LAMA3: variants seen among roughly 807,000 people sequenced by gnomAD.
LAMA3 encodes the protein laminin subunit alpha-3.
A neutral mutation model predicts 402.0 loss-of-function variants in LAMA3; 281 were observed. The observed-to-expected ratio is 0.70, with a 90% CI of 0.63 to 0.77. LAMA3 has a LOEUF of 0.77. LAMA3 is among the 30% of genes least tolerant of loss of function. The probability of loss-of-function intolerance (pLI) is 0.00; values close to 1 mark genes in which losing one functional copy is unlikely to be tolerated. For synonymous variants in LAMA3, 1,431 were observed against 1,558.4 expected (o/e 0.92, Z 1.93); for missense variants, 3,840 against 4,215.5 (o/e 0.91, Z 2.47).
Position 23,689,582 on chromosome 18 carries a change from C to A in LAMA3, c.-102C>A. On this transcript the variant is annotated 5_prime_UTR_variant, in exon 1 of 75. Transcript: ENST00000313654. ...CCGGCGCCGCCCATATCCCCGGCTG[C>A]GCTAGTCCTGGCGCTGCAGGTCCGG... is the stretch of plus-strand genomic sequence containing the variant. 8.9e-7 allele frequency: 1 copy of A among 1,124,848 alleles called. No individual in the cohort carries two copies. Among genetic ancestry groups the A allele is most frequent in the Non-Finnish European group, 1.1e-6 (1 of 893,974 alleles). The allele number at this position is 1,124,848 out of a possible 1,614,324, so 69.7% of individuals were successfully genotyped here.
At position 23,800,909 on chromosome 18, in the gene LAMA3, T is replaced by C. The variant is rs77805822; in HGVS notation, c.1604-9457T>C. Among the ~76,000 whole-genome samples, 2,120 of 152,312 alleles carry C rather than the reference T, an allele frequency of 0.014. 71 individuals are homozygous for C. The East Asian group carries it at 0.15, about 11-fold the overall frequency. ...TATTCCCCTGTGTATATATACCTCGTTTTCTTTATCCATTCATCTGTTGAT... is the reference window on the plus strand; with the variant it reads ...TATTCCCCTGTGTATATATACCTCGCTTTCTTTATCCATTCATCTGTTGAT... On this transcript the variant is annotated intron_variant, in intron 12 of 74. Transcript: ENST00000313654.
At chr18:23,930,778 T>G (rs1235091649) in intron 64 of LAMA3, among the ~76,000 whole-genome samples, 2 of 152,140 alleles carry the variant, frequency 1.3e-5, no homozygotes, top group Non-Finnish European at 2.9e-5. Flanking sequence ...TTTAACTGTT[T>G]TGTATAGTCG....
chr18:23,713,343 C>T (rs762303510), intron 1 of LAMA3, among the ~76,000 whole-genome samples: 3 of 152,196 alleles, frequency 2.0e-5, no homozygotes, highest in Non-Finnish European at 4.4e-5. Context: ...TGCCACTTAC[C>T]AAAGTCCTAT....
At chr18:23,773,201 T>C (rs1236469484) in intron 8 of LAMA3, among the ~76,000 whole-genome samples, 2 of 152,228 alleles carry the variant, frequency 1.3e-5, no homozygotes, top group African/African-American at 4.8e-5. Context: ...CTCACTCACA[T>C]GTCAGGTGCT....
At position 23,954,706 on chromosome 18, in the gene LAMA3, AC is replaced by A; in HGVS notation, c.*60del. 2 of 1,533,948 alleles carry A rather than the reference AC, an allele frequency of 1.3e-6. No individual in the cohort carries two copies. Among genetic ancestry groups the A allele is most frequent in the South Asian group, 2.2e-5 (2 of 89,504 alleles). On this transcript the variant is annotated 3_prime_UTR_variant, in exon 75 of 75. Coordinates refer to ENST00000313654, the MANE Select transcript of LAMA3 (RefSeq NM_198129.4). ...TTCAAAAGCACTGATTACCCAATGC[AC>A]CTCCCTCCCCAGCTCGAGATCATTC...
At chr18:23,696,224 C>G (rs1387574495) in intron 1 of LAMA3, among the ~76,000 whole-genome samples, 1 of 152,132 alleles carries the variant, frequency 6.6e-6, no homozygotes, top group Admixed American at 6.5e-5. Context: ...TTACATGTTT[C>G]CAGGCTGCTT....
intron 11 of LAMA3, 96 bp downstream of exon 11, chr18:23,777,715 C>T: frequency 1.1e-6 from 1 of 949,440 alleles, no homozygotes; most frequent in South Asian, 1.3e-5. Context: ...AAGGCCAAGT[C>T]TCCCTTCCTA....
chr18:23,813,112 A>G lies in LAMA3; in HGVS notation c.1788+9A>G. ...CCATCAACTCCAATTTGGTAAGTAG[A>G]CTATAAAAGGGTTGCAATTCTAACT... On this transcript the variant is annotated intron_variant, in intron 14 of 74. Transcript: ENST00000313654. The G allele has an allele frequency of 6.3e-7, 1 of 1,587,042 alleles. No homozygotes were observed. Among genetic ancestry groups the G allele is most frequent in the Non-Finnish European group, 8.7e-7 (1 of 1,155,346 alleles).
intron 33 of LAMA3, 140 bp from the exon 34 acceptor site, chr18:23,858,549 A>G: frequency 2.5e-6 from 2 of 795,642 alleles, no homozygotes; most frequent in South Asian, 1.4e-5. Context: ...TGAAAGCTTA[A>G]TAATTAACAT....
chr18:23,804,768 T>G (rs2062930331), intron 12 of LAMA3, among the ~76,000 whole-genome samples: 1 of 152,162 alleles, frequency 6.6e-6, no homozygotes. Flanking sequence ...GGCTTAGTAT[T>G]GTCCTCCTGA....
At chr18:23,782,699 C>A (rs540790087) in intron 11 of LAMA3, among the ~76,000 whole-genome samples, 11 of 152,088 alleles carry the variant, frequency 7.2e-5, no homozygotes, top group African/African-American at 2.7e-4. Flanking sequence ...AATAGAAAGA[C>A]CATGGGCTTT....
rs750388638 is a variant in LAMA3, at chr18:23,901,324, G to A, written c.6201+1G>A. On this transcript the variant is annotated splice_donor_variant, in intron 48 of 74. Transcript: ENST00000313654. LOFTEE classifies it high-confidence loss of function. Reference sequence around the variant, plus strand: ...CGAGAGAGCTTTGGGAGCCATTCAGGTGAGTTCACAGTTTGAAGTTGCACA... The same window carrying A: ...CGAGAGAGCTTTGGGAGCCATTCAGATGAGTTCACAGTTTGAAGTTGCACA... 3 of 1,613,328 alleles carry A rather than the reference G, an allele frequency of 1.9e-6. No homozygotes were observed. Among genetic ancestry groups the A allele is most frequent in the Non-Finnish European group, 2.5e-6 (3 of 1,179,518 alleles).
intron 48 of LAMA3, among the ~76,000 whole-genome samples, chr18:23,901,933 A>G (rs943886746): frequency 6.6e-6 from 1 of 152,232 alleles, no homozygotes; most frequent in Non-Finnish European, 1.5e-5. Flanking sequence ...ACCTCAGGTG[A>G]TCCACTCGCC....
rs1320949847 is a variant in LAMA3, at chr18:23,874,823, T to C, written c.4999-1471T>C. ...TTTTCCTGATGCTTTCAAGATAGGGTATATAGGAGATCAGAGAAATAAATT... is the reference window on the plus strand; with the variant it reads ...TTTTCCTGATGCTTTCAAGATAGGGCATATAGGAGATCAGAGAAATAAATT... On this transcript the variant is annotated intron_variant, in intron 38 of 74. Transcript: ENST00000313654. Among the ~76,000 whole-genome samples the C allele has an allele frequency of 2.6e-5, 4 of 152,290 alleles. No individual in the cohort carries two copies. In the East Asian group the frequency reaches 7.7e-4, roughly 29 times the overall value.
intron 40 of LAMA3, among the ~76,000 whole-genome samples, chr18:23,882,485 C>T (rs1320041055): frequency 6.6e-6 from 1 of 151,912 alleles, no homozygotes; most frequent in Non-Finnish European, 1.5e-5. Context: ...CAAAAATTAC[C>T]TTGTAATCCA....
intron 12 of LAMA3, among the ~76,000 whole-genome samples, chr18:23,806,966 G>A (rs897466377): frequency 1.3e-5 from 2 of 152,136 alleles, no homozygotes; most frequent in Non-Finnish European, 2.9e-5. Context: ...AATGTTCTAC[G>A]TTATCAAATA....
At chr18:23,792,943 G>T (rs2062688217) in intron 12 of LAMA3, among the ~76,000 whole-genome samples, 2 of 152,156 alleles carry the variant, frequency 1.3e-5, no homozygotes, top group South Asian at 4.1e-4. Flanking sequence ...GTTCAGTAAG[G>T]ACAGCAGACC....
At chr18:23,753,596 G>A (rs1568146904) in intron 5 of LAMA3, 125 bp from the exon 6 acceptor site, 1 of 727,752 alleles carries the variant, frequency 1.4e-6, no homozygotes, top group Admixed American at 2.0e-5. Context: ...ACATCCCAAT[G>A]TAGGGCTCAA....
chr18:23,707,274 G>A (rs770542547), intron 1 of LAMA3, among the ~76,000 whole-genome samples: 1 of 152,168 alleles, frequency 6.6e-6, no homozygotes, highest in Non-Finnish European at 1.5e-5. Context: ...TCTCCCATTT[G>A]TCCTCTCCAG....
Sources: allele counts gnomAD v4.1 joint callset (sites outside exome capture counted in the v4.1 genomes callset), GRCh38; gene constraint gnomAD v4.1.1; transcripts MANE v1.5; gene names NCBI Gene and HGNC (gene_info 2026-07-23, HGNC 2026-07-21).